The following EFNA5 variants were observed in gnomAD, a reference collection of about 807,000 sequenced individuals.
EFNA5 encodes the protein ephrin A5.
A neutral mutation model predicts 22.9 loss-of-function variants in EFNA5; 5 were observed. The ratio of observed to expected loss-of-function variants is 0.22; its 90% confidence interval spans 0.11 to 0.46. The LOEUF is 0.46. Among genes scored for constraint, EFNA5 ranks in the 20% least tolerant of loss-of-function variants. The pLI, the probability that EFNA5 is intolerant of heterozygous loss-of-function variation, is 0.99. For synonymous variants in EFNA5, 113 were observed against 112.2 expected, an observed-to-expected ratio of 1.01 and a Z score of -0.04; for missense variants, 237 against 293.3, an observed-to-expected ratio of 0.81 and a Z score of 1.40.
chr5:107,444,905 C>T (rs1749350768), intron 1 of EFNA5, among the ~76,000 whole-genome samples: 1 of 152,126 alleles, frequency 6.6e-6, no homozygotes, highest in African/African-American at 2.4e-5. Flanking sequence ...AGTTTAAATG[C>T]TTACCGTTTA....
intron 2 of EFNA5, among the ~76,000 whole-genome samples, chr5:107,398,304 A>G (rs1747982523): frequency 6.6e-6 from 1 of 152,148 alleles, no homozygotes; most frequent in Non-Finnish European, 1.5e-5. Context: ...CCATTTCTCC[A>G]ACACAATAAC....
At chr5:107,641,021 T>TAGATAGATAGACAGACAGAC (rs796272956) in intron 1 of EFNA5, among the ~76,000 whole-genome samples, 6 of 111,944 alleles carry the variant, frequency 5.4e-5, no homozygotes, top group African/African-American at 1.8e-4. Flanking sequence ...GATAGATAGA[T>TAGATAGATAGACAGACAGAC]AGACAGACAG....
chr5:107,536,148 A>G (rs1004137983), intron 1 of EFNA5, among the ~76,000 whole-genome samples: 2 of 152,194 alleles, frequency 1.3e-5, no homozygotes, highest in Non-Finnish European at 2.9e-5. Flanking sequence ...ACACCATACA[A>G]TTACTCCTTG....
intron 1 of EFNA5, among the ~76,000 whole-genome samples, chr5:107,658,052 T>C (rs543369996): frequency 2.0e-5 from 3 of 152,266 alleles, no homozygotes; most frequent in South Asian, 2.1e-4. Context: ...ACTAGAATCA[T>C]AGAACTTTAC....
At chr5:107,607,448 A>G (rs1749747639) in intron 1 of EFNA5, among the ~76,000 whole-genome samples, 1 of 152,216 alleles carries the variant, frequency 6.6e-6, no homozygotes. Flanking sequence ...TTTTAAGACA[A>G]CACTGTCTAG....
rs765473063 is a variant in EFNA5 at position 107,670,515 on chromosome 5, A to G, written c.99T>C (p.Ala33=). 2 of 1,576,146 alleles carry G rather than the reference A, an allele frequency of 1.3e-6. No homozygotes were observed. Among genetic ancestry groups the G allele is most frequent in the East Asian group, 2.4e-5 (1 of 42,224 alleles). ...TGGGGTTGCTGCTGTTCCAGTAGAC[A>G]GCGTAGCGGTCGGCGACGGCCTTGG... ...PGSKAVADRY[A]VYWNSSNPRF... Residue 33 remains alanine (A), a synonymous_variant, in exon 1 of 5, where the codon GCT becomes GCC. Coordinates refer to ENST00000333274, the MANE Select transcript of EFNA5 (RefSeq NM_001962.3).
intron 1 of EFNA5, among the ~76,000 whole-genome samples, chr5:107,560,395 C>T (rs1748510908): frequency 6.6e-6 from 1 of 152,170 alleles, no homozygotes; most frequent in Non-Finnish European, 1.5e-5. Flanking sequence ...GAAATTTCCT[C>T]TTCTAGTTAG....
intron 1 of EFNA5, among the ~76,000 whole-genome samples, chr5:107,571,215 G>A (rs1428582293): frequency 6.6e-6 from 1 of 152,162 alleles, no homozygotes; most frequent in Non-Finnish European, 1.5e-5. Flanking sequence ...TTCTGCTCCC[G>A]TGTCCGCCCC....
intron 1 of EFNA5, among the ~76,000 whole-genome samples, chr5:107,540,088 G>C (rs1289413225): frequency 6.6e-6 from 1 of 151,842 alleles, no homozygotes. Flanking sequence ...TAACTCCTTA[G>C]ACAGATGATC....
intron 2 of EFNA5, among the ~76,000 whole-genome samples, chr5:107,393,592 G>A (rs373971646): frequency 3.9e-5 from 6 of 152,210 alleles, no homozygotes; most frequent in Middle Eastern, 3.4e-3. Context: ...GTGGGGGAGC[G>A]TTAAAAATGC....
At chr5:107,537,729 C>T (rs1275133831) in intron 1 of EFNA5, among the ~76,000 whole-genome samples, 1 of 152,102 alleles carries the variant, frequency 6.6e-6, no homozygotes, top group Non-Finnish European at 1.5e-5. Context: ...TTTTTTAGCT[C>T]ACACAGTTAT....
At chr5:107,442,416 A>C (rs566319884) in intron 1 of EFNA5, among the ~76,000 whole-genome samples, 1 of 152,156 alleles carries the variant, frequency 6.6e-6, no homozygotes, top group Non-Finnish European at 1.5e-5. Context: ...AATTCAGTAC[A>C]TAAAGAAATT....
At position 107,560,527 on chromosome 5, in the gene EFNA5, G is replaced by A. The variant is rs929739799; in HGVS notation, c.125+109962C>T. Among the ~76,000 whole-genome samples, 11 of 152,084 alleles carry A rather than the reference G, an allele frequency of 7.2e-5. 1 individual carries two copies. The highest frequency in any genetic ancestry group is 7.4e-5 in the Non-Finnish European group (5 of 68,022). ...TGTCCTTCTTTCCATTGAACTACTTGAGTCATCTCCCCCGTGCCGCTGTGA... is the reference window on the plus strand; with the variant it reads ...TGTCCTTCTTTCCATTGAACTACTTAAGTCATCTCCCCCGTGCCGCTGTGA... On this transcript the variant is annotated intron_variant, in intron 1 of 4. Coordinates refer to ENST00000333274, the MANE Select transcript of EFNA5 (RefSeq NM_001962.3).
At chr5:107,637,167 T>G (rs1367136457) in intron 1 of EFNA5, among the ~76,000 whole-genome samples, 1 of 152,206 alleles carries the variant, frequency 6.6e-6, no homozygotes, top group African/African-American at 2.4e-5. Flanking sequence ...ATTGGTCACT[T>G]TCTTTTGATA....
intron 1 of EFNA5, among the ~76,000 whole-genome samples, chr5:107,490,080 A>G (rs1038138250): frequency 2.0e-5 from 3 of 152,064 alleles, no homozygotes; most frequent in Non-Finnish European, 4.4e-5. Flanking sequence ...GCTTGCTTGA[A>G]CCATGGGGGA....
At chr5:107,466,567 G>A (rs891385945) in intron 1 of EFNA5, among the ~76,000 whole-genome samples, 3 of 152,160 alleles carry the variant, frequency 2.0e-5, no homozygotes, top group African/African-American at 7.2e-5. Context: ...TGCGGCATGA[G>A]GAATGTTCTC....
intron 1 of EFNA5, among the ~76,000 whole-genome samples, chr5:107,507,678 T>TA (rs1333707921): frequency 2.1e-4 from 31 of 146,572 alleles, no homozygotes; most frequent in African/African-American, 3.2e-4. Flanking sequence ...CTCCTAAAGA[T>TA]AAAAAAAAAA....
chr5:107,379,212 A>G lies in EFNA5; in HGVS notation c.*2043T>C, dbSNP rs1250323636. On this transcript the variant is annotated 3_prime_UTR_variant, in exon 5 of 5. Transcript: ENST00000333274. Reference sequence around the variant, plus strand: ...CCCACACACATGGTTCCATGTGAGAACAGACTCGGCAGTGACATCCACTCC... The same window carrying G: ...CCCACACACATGGTTCCATGTGAGAGCAGACTCGGCAGTGACATCCACTCC... 6.6e-6 allele frequency: 1 copy of G among 152,166 alleles called. No individual in the cohort carries two copies. The highest frequency in any genetic ancestry group is 1.5e-5 in the Non-Finnish European group (1 of 68,038). 9.4% of individuals were successfully genotyped at this position (152,166 alleles called of 1,614,324 possible).
intron 1 of EFNA5, among the ~76,000 whole-genome samples, chr5:107,625,926 A>G (rs1164496428): frequency 6.6e-6 from 1 of 152,220 alleles, no homozygotes; most frequent in Non-Finnish European, 1.5e-5. Flanking sequence ...AAGATTAAGT[A>G]TAGGCTCAAC....
Sources: gnomAD v4.1 joint callset for allele counts (sites outside exome capture counted in the v4.1 genomes callset) on GRCh38, gnomAD v4.1.1 for gene constraint, MANE v1.5 for transcripts, NCBI Gene and HGNC (gene_info 2026-07-23, HGNC 2026-07-21) for gene names.